EBLN1: variants seen among roughly 807,000 people sequenced by gnomAD.
EBLN1 encodes endogenous Bornavirus like nucleoprotein 1.
Under a neutral mutation model 0.8 loss-of-function variants are expected in EBLN1, and 1 was observed. The ratio of observed to expected loss-of-function variants is 1.32; its 90% CI spans 0.47 to 6.26. The LOEUF (loss-of-function observed/expected upper bound fraction) is 6.26, where lower values mean the gene tolerates loss of function less well. Ranked by LOEUF, EBLN1 falls within the 30% of genes most tolerant of loss-of-function variation. The pLI is 0.15. For synonymous variants in EBLN1, 158 were observed against 158.5 expected, an observed-to-expected ratio of 1.00 and a Z score of 0.02; for missense variants, 396 against 447.9, an observed-to-expected ratio of 0.88 and a Z score of 1.05.
intron 1 of EBLN1, among the ~76,000 whole-genome samples, chr10:22,216,010 T>G (rs1014038939): frequency 6.6e-6 from 1 of 152,178 alleles, no homozygotes; most frequent in South Asian, 2.1e-4. Flanking sequence ...CAAATTATCT[T>G]TAACAAACTA....
In EBLN1 at chr10:22,217,853, C is replaced by T. The variant is rs372499775; in HGVS notation, c.-169+63G>A. ...CTAGGTGTATTAGTCCGTTCTCACA[C>T]TGCTGTAAATATACTACCCGAGACT... On this transcript the variant is annotated intron_variant, in intron 1 of 2. Coordinates refer to ENST00000422359, the MANE Select transcript of EBLN1 (RefSeq NM_001394757.1). 7.0e-4 allele frequency among the ~76,000 whole-genome samples: 106 copies of T among 152,312 alleles called. 2 individuals carry two copies. The South Asian group carries it at 0.021, about 30-fold the overall frequency.
Position 22,209,270 on chromosome 10 carries a change from G to A in EBLN1, c.714C>T (p.Tyr238=). ...VASKAQMMTY[Y]TVRMFLDQCV... ...ACTGATCCAGGAACATTCTCACAGT[G>A]TAGTAGGTCATCATCTGTGCTTTGC... Residue 238 remains tyrosine (Y), a synonymous_variant, in exon 3 of 3, where the codon TAC becomes TAT. Transcript: ENST00000422359. 1.3e-6 allele frequency: 2 copies of A among 1,584,114 alleles called. No homozygotes were observed. Among genetic ancestry groups the A allele is most frequent in the Non-Finnish European group, 1.7e-6 (2 of 1,172,444 alleles).
rs2131943460 is a variant in EBLN1 at position 22,209,702 on chromosome 10, G to A, written c.282C>T (p.Leu94=). ...TAGACCTTTTGCTCACACCGACACTGAGTAGTGCCTTGTGTAATCCATCGA... is the reference window on the plus strand; with the variant it reads ...TAGACCTTTTGCTCACACCGACACTAAGTAGTGCCTTGTGTAATCCATCGA... ...FIFDGLHKAL[L]SVGVSKRSNI... The change falls in exon 3 of 3, where the codon CTC becomes CTT. Residue 94 remains leucine (L), a synonymous_variant. Transcript: ENST00000422359. The A allele has an allele frequency of 4.6e-6, 7 of 1,535,888 alleles. No homozygotes were observed. The highest frequency in any genetic ancestry group is 6.1e-6 in the Non-Finnish European group (7 of 1,146,916).
At chr10:22,216,117 A>T (rs1449524879) in intron 1 of EBLN1, among the ~76,000 whole-genome samples, 1 of 152,126 alleles carries the variant, frequency 6.6e-6, no homozygotes, top group African/African-American at 2.4e-5. Flanking sequence ...AGTACCAGAT[A>T]TTCAGAGAAG....
At chr10:22,213,877 G>A (rs769842359) in intron 1 of EBLN1, among the ~76,000 whole-genome samples, 4 of 152,180 alleles carry the variant, frequency 2.6e-5, no homozygotes, top group South Asian at 2.1e-4. Flanking sequence ...TGAAAAAGAT[G>A]ATTAATTAAA....
At chr10:22,214,694 A>T (rs975608371) in intron 1 of EBLN1, among the ~76,000 whole-genome samples, 1 of 152,162 alleles carries the variant, frequency 6.6e-6, no homozygotes, top group Non-Finnish European at 1.5e-5. Context: ...ACACCAATAG[A>T]TTAACATGCA....
intron 1 of EBLN1, among the ~76,000 whole-genome samples, chr10:22,215,172 G>C (rs1834782808): frequency 6.6e-6 from 1 of 152,114 alleles, no homozygotes; most frequent in Admixed American, 6.5e-5. Flanking sequence ...CTGATAATAG[G>C]TACATGATTC....
In EBLN1 at chr10:22,209,607, G is replaced by A; in HGVS notation, c.377C>T (p.Pro126Leu). The A allele has an allele frequency of 1.3e-6, 2 of 1,536,506 alleles. No individual in the cohort carries two copies. The highest frequency in any genetic ancestry group is 1.7e-6 in the Non-Finnish European group (2 of 1,147,334). The stretch of plus-strand genomic sequence containing the variant: ...TGACATCTCAAGGGCAGTGAAGGTA[G>A]GCAAAACATCTTCAAATTTGCTAGC... ...LYASKFEDVL[P>L]TFTALEMSSI... The change falls in exon 3 of 3, where the codon CCT becomes CTT. Residue 126 changes from proline to leucine, a missense_variant. Pro to Leu is a moderately conservative substitution (Grantham distance 98). Transcript: ENST00000422359.
At position 22,209,614 on chromosome 10, in the gene EBLN1, C is replaced by CCTTCAA; in HGVS notation, c.369_370insTTGAAG (p.Asp123_Val124insLeuLys). On this transcript the variant is annotated inframe_insertion, in exon 3 of 3. Coordinates refer to ENST00000422359, the MANE Select transcript of EBLN1 (RefSeq NM_001394757.1). ...TCAAGGGCAGTGAAGGTAGGCAAAA[C>CCTTCAA]ATCTTCAAATTTGCTAGCATAGAGA... 6.5e-7 allele frequency: 1 copy of CCTTCAA among 1,536,216 alleles called. No individual in the cohort carries two copies. Among genetic ancestry groups the CCTTCAA allele is most frequent in the Non-Finnish European group, 8.7e-7 (1 of 1,147,166 alleles).
At chr10:22,211,440 T>C (rs1461135802) in intron 2 of EBLN1, among the ~76,000 whole-genome samples, 2 of 152,226 alleles carry the variant, frequency 1.3e-5, no homozygotes, top group Non-Finnish European at 2.9e-5. Flanking sequence ...TTTTTGTTAT[T>C]TCCTTATGTT....
rs1355011169 is a variant in EBLN1, at chr10:22,210,235, T to C, written c.-44-208A>G. The stretch of plus-strand genomic sequence containing the variant: ...TAAATGTGCAGCTGCACTAAAATCC[T>C]TTCCCCTGTCAACTGTGAACACCAG... On this transcript the variant is annotated intron_variant, in intron 2 of 2. Transcript: ENST00000422359. Among the ~76,000 whole-genome samples, 5 of 152,282 alleles carry C rather than the reference T, an allele frequency of 3.3e-5. No individual in the cohort carries two copies. In the East Asian group the frequency reaches 7.7e-4, roughly 24 times the overall value.
intron 1 of EBLN1, among the ~76,000 whole-genome samples, chr10:22,214,762 T>C (rs568173066): frequency 3.5e-4 from 54 of 152,292 alleles, no homozygotes; most frequent in African/African-American, 1.3e-3. Context: ...GGAGTTACCG[T>C]AGGACCCACC....
chr10:22,211,599 C>T (rs1834755649), intron 2 of EBLN1, among the ~76,000 whole-genome samples: 1 of 152,164 alleles, frequency 6.6e-6, no homozygotes, highest in South Asian at 2.1e-4. Context: ...TCAAGTGATC[C>T]TCCTGCCCCA....
chr10:22,213,584 C>A (rs1018521971), intron 1 of EBLN1, among the ~76,000 whole-genome samples: 16 of 152,030 alleles, frequency 1.1e-4, no homozygotes, highest in Non-Finnish European at 2.2e-4. Context: ...AGCTTTAGGC[C>A]CCTCAGAACC....
chr10:22,209,760 A>C lies in EBLN1; in HGVS notation c.224T>G (p.Val75Gly), dbSNP rs1441115588. 6.5e-7 allele frequency: 1 copy of C among 1,535,964 alleles called. No homozygotes were observed. Among genetic ancestry groups the C allele is most frequent in the East Asian group, 2.4e-5 (1 of 40,928 alleles). ...ACACAAAAATACTAAGCTTGGGGTT[A>C]CAAGGTAAAAATGAGATCTCTGTGC... ...DPAQRSHFYL[V>G]TPSLVFLCFI... Residue 75 changes from valine to glycine, a missense_variant, in exon 3 of 3, where the codon GTA becomes GGA. Transcript: ENST00000422359.
At chr10:22,216,358 T>C (rs905497899) in intron 1 of EBLN1, among the ~76,000 whole-genome samples, 3 of 152,180 alleles carry the variant, frequency 2.0e-5, no homozygotes, top group African/African-American at 7.2e-5. Flanking sequence ...TACAACTATA[T>C]TTACAGTAAA....
chr10:22,215,908 A>G (rs1834788906), intron 1 of EBLN1, among the ~76,000 whole-genome samples: 1 of 152,138 alleles, frequency 6.6e-6, no homozygotes, highest in South Asian at 2.1e-4. Flanking sequence ...TGGGAAAATT[A>G]TTACAAGATA....
Position 22,209,858 on chromosome 10 carries a change from A to G in EBLN1, c.126T>C (p.Asp42=). ...LSGKSRQYPA[D]ALEPQPGIGD... ...CAATACCAGGTTGGGGCTCCAATGC[A>G]TCTGCTGGATACTGTCTGCTCTTCC... The change falls in exon 3 of 3, where the codon GAT becomes GAC. Residue 42 remains aspartate, a synonymous_variant. Transcript: ENST00000422359. 2 of 1,526,278 alleles carry G rather than the reference A, an allele frequency of 1.3e-6. No individual in the cohort carries two copies. Among genetic ancestry groups the G allele is most frequent in the Non-Finnish European group, 1.8e-6 (2 of 1,142,678 alleles). 94.5% of individuals were successfully genotyped at this position (1,526,278 alleles called of 1,614,324 possible). A position where few individuals can be genotyped will look rare whatever the true frequency, so the allele number is the denominator to read the frequency against.
chr10:22,215,758 C>A (rs1297618781), intron 1 of EBLN1, among the ~76,000 whole-genome samples: 1 of 152,020 alleles, frequency 6.6e-6, no homozygotes, highest in African/African-American at 2.4e-5. Flanking sequence ...TATACAAAGA[C>A]CCTCATTTCA....
Sources: allele counts gnomAD v4.1 joint callset (sites outside exome capture counted in the v4.1 genomes callset), GRCh38; gene constraint gnomAD v4.1.1; transcripts MANE v1.5; gene names NCBI Gene and HGNC (gene_info 2026-07-23, HGNC 2026-07-21).